Variants in PPP1R9A observed in about 807,000 individuals in gnomAD.
The protein encoded by PPP1R9A is protein phosphatase 1 regulatory subunit 9A.
In PPP1R9A, 59 loss-of-function variants were observed where a neutral mutation model predicts 141.9. That is an observed-to-expected ratio of 0.42 (90% CI 0.34 to 0.52). PPP1R9A has a LOEUF of 0.52. Among genes scored for constraint, PPP1R9A ranks in the 20% least tolerant of loss-of-function variants. The probability of loss-of-function intolerance (pLI) is 0.10; values close to 1 mark genes in which losing one functional copy is unlikely to be tolerated. For synonymous variants in PPP1R9A, 500 were observed against 569.7 expected (o/e 0.88, Z 1.74); for missense variants, 1,444 against 1,611.9 (o/e 0.90, Z 1.78).
At chr7:94,996,710 A>AT (rs754729945) in intron 2 of PPP1R9A, among the ~76,000 whole-genome samples, 3 of 149,760 alleles carry the variant, frequency 2.0e-5, no homozygotes, top group Non-Finnish European at 4.4e-5. Flanking sequence ...TTTGCAGTCC[A>AT]TTTTTTCTCA....
intron 2 of PPP1R9A, among the ~76,000 whole-genome samples, chr7:94,985,885 A>G (rs536284317): frequency 1.3e-5 from 2 of 152,304 alleles, no homozygotes; most frequent in South Asian, 4.1e-4. Context: ...ATTGCCATGT[A>G]TGGATGGATA....
chr7:95,160,943 T>C lies in PPP1R9A; in HGVS notation c.1650-924T>C, dbSNP rs139610514. Reference sequence around the variant, plus strand: ...ATCCACCATTTGTGGACATTTAGGTTGATTCCATGTCTTTGCTGTTGTGAA... The same window carrying C: ...ATCCACCATTTGTGGACATTTAGGTCGATTCCATGTCTTTGCTGTTGTGAA... On this transcript the variant is annotated intron_variant, in intron 4 of 19. Transcript: ENST00000433360. Among the ~76,000 whole-genome samples, 515 of 152,344 alleles carry C rather than the reference T, an allele frequency of 3.4e-3. 2 individuals carry two copies. Among genetic ancestry groups the C allele is most frequent in the African/African-American group, 0.012 (489 of 41,594 alleles).
chr7:95,237,834 A>T (rs1040031199), intron 8 of PPP1R9A, among the ~76,000 whole-genome samples: 1 of 152,066 alleles, frequency 6.6e-6, no homozygotes, highest in Non-Finnish European at 1.5e-5. Flanking sequence ...GTTTCACAGC[A>T]TCTATTTTTT....
chr7:95,055,162 A>G (rs1425032683), intron 2 of PPP1R9A, among the ~76,000 whole-genome samples: 1 of 152,168 alleles, frequency 6.6e-6, no homozygotes, highest in Non-Finnish European at 1.5e-5. Context: ...TATTAGCATA[A>G]AATAAATGTT....
intron 2 of PPP1R9A, among the ~76,000 whole-genome samples, chr7:94,962,804 A>G (rs1293288401): frequency 6.6e-6 from 1 of 152,094 alleles, no homozygotes; most frequent in Non-Finnish European, 1.5e-5. Context: ...GCATGAAAGG[A>G]CTAAGTATAT....
chr7:95,159,071 A>G (rs888731914), intron 4 of PPP1R9A, among the ~76,000 whole-genome samples: 1 of 152,208 alleles, frequency 6.6e-6, no homozygotes, highest in African/African-American at 2.4e-5. Context: ...CATGTGCATA[A>G]GGAGGCATGT....
At chr7:95,216,365 G>A (rs1793419716) in intron 7 of PPP1R9A, among the ~76,000 whole-genome samples, 1 of 152,156 alleles carries the variant, frequency 6.6e-6, no homozygotes. Flanking sequence ...TTTGGTTACT[G>A]TAGCCTTGTA....
At chr7:95,278,147 TG>T (rs1469331601) in intron 16 of PPP1R9A, among the ~76,000 whole-genome samples, 1 of 152,162 alleles carries the variant, frequency 6.6e-6, no homozygotes, top group Admixed American at 6.6e-5. Flanking sequence ...TCTGAATTCC[TG>T]GGACCTTGGT....
chr7:95,121,733 G>A (rs996060774), intron 4 of PPP1R9A, among the ~76,000 whole-genome samples: 5 of 152,066 alleles, frequency 3.3e-5, no homozygotes, highest in Admixed American at 1.3e-4. Flanking sequence ...GAGTCATCCC[G>A]TGGCAAAAGG....
At chr7:95,113,461 C>T (rs1244849920) in intron 3 of PPP1R9A, among the ~76,000 whole-genome samples, 5 of 152,150 alleles carry the variant, frequency 3.3e-5, no homozygotes, top group Non-Finnish European at 2.9e-5. Flanking sequence ...CACACTTAGG[C>T]ATAGCCTGGG....
At chr7:95,080,803 G>C (rs899046212) in intron 2 of PPP1R9A, among the ~76,000 whole-genome samples, 1 of 152,152 alleles carries the variant, frequency 6.6e-6, no homozygotes, top group Non-Finnish European at 1.5e-5. Context: ...TCATATTTTT[G>C]GGTGGCATAT....
intron 8 of PPP1R9A, among the ~76,000 whole-genome samples, chr7:95,241,552 C>T (rs1487934009): frequency 6.6e-6 from 1 of 152,002 alleles, no homozygotes; most frequent in African/African-American, 2.4e-5. Flanking sequence ...ATTACACTGG[C>T]AGTTTAATGG....
chr7:95,241,793 G>A (rs902633075), intron 8 of PPP1R9A, among the ~76,000 whole-genome samples: 1 of 152,106 alleles, frequency 6.6e-6, no homozygotes, highest in Non-Finnish European at 1.5e-5. Flanking sequence ...ATAACATTAA[G>A]TTATCTTTAT....
intron 2 of PPP1R9A, among the ~76,000 whole-genome samples, chr7:94,928,045 G>C (rs989278424): frequency 3.9e-5 from 6 of 152,164 alleles, no homozygotes; most frequent in Non-Finnish European, 8.8e-5. Context: ...GCTTGCTGTG[G>C]TGCTCCTAAG....
At chr7:95,183,081 A>AT (rs1006431739) in intron 5 of PPP1R9A, among the ~76,000 whole-genome samples, 104 of 148,340 alleles carry the variant, frequency 7.0e-4, no homozygotes, top group African/African-American at 1.4e-3. Context: ...GTGTTAGGCA[A>AT]TTTTTTTTTT....
At chr7:95,160,870 G>A (rs373169520) in intron 4 of PPP1R9A, among the ~76,000 whole-genome samples, 7 of 152,050 alleles carry the variant, frequency 4.6e-5, no homozygotes, top group African/African-American at 1.7e-4. Flanking sequence ...TCTTTTTTAT[G>A]GCTACATAGT....
Position 95,047,894 on chromosome 7 carries a change from A to G in PPP1R9A, c.1396-63365A>G, listed in dbSNP as rs574438764. On this transcript the variant is annotated intron_variant, in intron 2 of 19. Coordinates refer to ENST00000433360, the MANE Select transcript of PPP1R9A (RefSeq NM_001166160.2). ...GTAGGCTGAACAGATAGAACAAACT[A>G]TAAGTATAAAAACATGCTGGTTAAT... Among the ~76,000 whole-genome samples the G allele has an allele frequency of 4.6e-5, 7 of 152,348 alleles. No individual in the cohort carries two copies. The South Asian group carries it at 6.2e-4, about 14-fold the overall frequency.
At chr7:94,970,773 C>A (rs1047093014) in intron 2 of PPP1R9A, among the ~76,000 whole-genome samples, 4 of 151,678 alleles carry the variant, frequency 2.6e-5, no homozygotes, top group Admixed American at 2.6e-4. Context: ...GTAGCTGGGA[C>A]TACTTAATTT....
intron 2 of PPP1R9A, among the ~76,000 whole-genome samples, chr7:95,038,457 A>G (rs998556617): frequency 2.0e-5 from 3 of 152,156 alleles, no homozygotes; most frequent in Non-Finnish European, 4.4e-5. Context: ...TTTCTCACAG[A>G]TGATCTGAGA....
Sources: allele counts gnomAD v4.1 joint callset (sites outside exome capture counted in the v4.1 genomes callset), GRCh38; gene constraint gnomAD v4.1.1; transcripts MANE v1.5; gene names NCBI Gene and HGNC (gene_info 2026-07-23, HGNC 2026-07-21).